Variants in TNFRSF13B observed in about 807,000 individuals in gnomAD.
TNFRSF13B encodes the protein tumor necrosis factor receptor superfamily member 13B.
TNFRSF13B carries 34 observed loss-of-function variants against 24.0 expected under a neutral mutation model. The ratio of observed to expected loss-of-function variants is 1.41; its 90% CI spans 1.08 to 1.88. The LOEUF (loss-of-function observed/expected upper bound fraction) is 1.88. TNFRSF13B is among the 40% of genes most tolerant of loss of function. TNFRSF13B has a pLI of 0.00. For synonymous variants in TNFRSF13B, 173 were observed against 150.3 expected (o/e 1.15, Z -1.10); for missense variants, 415 against 380.8 (o/e 1.09, Z -0.75).
At position 16,939,454 on chromosome 17, in the gene TNFRSF13B, TCTC is replaced by T. The variant is rs199572305; in HGVS notation, c.*90_*92del. 1.4e-6 allele frequency: 2 copies of T among 1,412,188 alleles called. No individual in the cohort carries two copies. The highest frequency in any genetic ancestry group is 1.9e-6 in the Non-Finnish European group (2 of 1,046,956). The allele number at this position is 1,412,188 out of a possible 1,614,324, so 87.5% of individuals were successfully genotyped here. Reference sequence around the variant, plus strand: ...TCCCTCTCTGCCTCCTCTGTCTCTCTCTCCTCATATCTCTCTCCCCTCTCCCCA... The same window carrying T: ...TCCCTCTCTGCCTCCTCTGTCTCTCTCTCATATCTCTCTCCCCTCTCCCCA... On this transcript the variant is annotated 3_prime_UTR_variant, in exon 5 of 5. Transcript: ENST00000261652.
At chr17:16,943,511 CTAT>C (rs938100573) in intron 3 of TNFRSF13B, among the ~76,000 whole-genome samples, 13 of 152,266 alleles carry the variant, frequency 8.5e-5, no homozygotes, top group African/African-American at 3.1e-4. Context: ...TCTCTGGTTC[CTAT>C]TATTGCCAGA....
Position 16,939,279 on chromosome 17 carries a change from GCCTCTCTC to G in TNFRSF13B, c.*260_*267del, listed in dbSNP as rs1024386915. On this transcript the variant is annotated 3_prime_UTR_variant, in exon 5 of 5. Transcript: ENST00000261652. ...TCCCTCTCTCCCTCTCTGTCTCTCT[GCCTCTCTC>G]CCTCTCTGCCTCTCTCCCTCTCTGC... 1.0e-4 allele frequency: 47 copies of G among 449,208 alleles called. No homozygotes were observed. The highest frequency in any genetic ancestry group is 7.5e-4 in the African/African-American group (37 of 49,298). The allele number at this position is 449,208 out of a possible 1,614,324, so 27.8% of individuals were successfully genotyped here.
At chr17:16,965,169 C>T (rs2087691054) in intron 1 of TNFRSF13B, among the ~76,000 whole-genome samples, 1 of 151,928 alleles carries the variant, frequency 6.6e-6, no homozygotes, top group African/African-American at 2.4e-5. Context: ...TACAGTGGTG[C>T]AATCATAGCT....
At chr17:16,953,448 T>C (rs2143664055) in intron 1 of TNFRSF13B, among the ~76,000 whole-genome samples, 2 of 152,330 alleles carry the variant, frequency 1.3e-5, no homozygotes, top group Non-Finnish European at 2.9e-5. Flanking sequence ...CACATGGAGA[T>C]GTAGGACATT....
chr17:16,962,430 C>G (rs919747163), intron 1 of TNFRSF13B, among the ~76,000 whole-genome samples: 8 of 151,908 alleles, frequency 5.3e-5, no homozygotes, highest in Non-Finnish European at 1.0e-4. Flanking sequence ...TCACTTGAAA[C>G]CAGGAGACAG....
chr17:16,957,013 A>G (rs1268126610), intron 1 of TNFRSF13B, among the ~76,000 whole-genome samples: 2 of 152,072 alleles, frequency 1.3e-5, no homozygotes, highest in African/African-American at 2.4e-5. Context: ...ACTTTAAATG[A>G]TAACGACGTG....
intron 1 of TNFRSF13B, among the ~76,000 whole-genome samples, chr17:16,962,158 C>T (rs947899010): frequency 1.3e-5 from 2 of 152,154 alleles, no homozygotes; most frequent in East Asian, 1.9e-4. Flanking sequence ...GATGAATTAC[C>T]TGCATGGAAA....
chr17:16,969,507 A>G (rs2087728811), intron 1 of TNFRSF13B, among the ~76,000 whole-genome samples: 1 of 152,246 alleles, frequency 6.6e-6, no homozygotes, highest in South Asian at 2.1e-4. Flanking sequence ...GCAAATCTAT[A>G]GAGACAGAGA....
At chr17:16,959,109 A>G (rs1173977988) in intron 1 of TNFRSF13B, among the ~76,000 whole-genome samples, 1 of 152,100 alleles carries the variant, frequency 6.6e-6, no homozygotes, top group Non-Finnish European at 1.5e-5. Flanking sequence ...TTTTAAAATT[A>G]AAATTATTCA....
Position 16,939,563 on chromosome 17 carries a change from C to A in TNFRSF13B, c.866G>T (p.Gly289Val), listed in dbSNP as rs778892365. Reference sequence around the variant, plus strand: ...GACCCCCATTTATGCACCTGGGCCCCCCTCCTGGGCAGGCACACACACAAT... The same window carrying A: ...GACCCCCATTTATGCACCTGGGCCCACCTCCTGGGCAGGCACACACACAAT... ...LGIVCVPAQE[G>V]GPGA The change falls in exon 5 of 5, where the codon GGG (glycine) becomes GTG (valine). Residue 289 changes from glycine to valine, a missense_variant. Physicochemically the swap from Gly to Val is moderately radical, Grantham distance 109. Transcript: ENST00000261652. The A allele has an allele frequency of 6.2e-7, 1 of 1,613,480 alleles. No homozygotes were observed. The highest frequency in any genetic ancestry group is 1.7e-5 in the Admixed American group (1 of 59,906).
At chr17:16,961,310 A>G (rs1408527128) in intron 1 of TNFRSF13B, among the ~76,000 whole-genome samples, 1 of 152,240 alleles carries the variant, frequency 6.6e-6, no homozygotes, top group African/African-American at 2.4e-5. Context: ...TCAGAACAGC[A>G]TATTCACAAC....
intron 3 of TNFRSF13B, chr17:16,941,450 G>T (rs1158931534): frequency 2.0e-6 from 2 of 987,614 alleles, no homozygotes; most frequent in East Asian, 2.3e-4. Context: ...GCTCTTCCTT[G>T]TCCCTGGAGC....
At chr17:16,940,144 A>C (rs1416593491) in intron 4 of TNFRSF13B, 182 bp downstream of exon 4, 1 of 1,450,396 alleles carries the variant, frequency 6.9e-7, no homozygotes, top group African/African-American at 1.4e-5. Context: ...CCCGGGTGCC[A>C]CTCTCCCAGT....
chr17:16,968,065 C>G (rs1244030937), intron 1 of TNFRSF13B, among the ~76,000 whole-genome samples: 2 of 148,422 alleles, frequency 1.3e-5, no homozygotes, highest in Non-Finnish European at 3.0e-5. Context: ...GGCATGAACC[C>G]GGGAGGCGGA....
chr17:16,960,480 G>A (rs2087654775), intron 1 of TNFRSF13B, among the ~76,000 whole-genome samples: 1 of 152,160 alleles, frequency 6.6e-6, no homozygotes, highest in Admixed American at 6.5e-5. Context: ...GATCTTATAT[G>A]TAGAAAACCC....
chr17:16,971,348 C>CAAA (rs2087742706), intron 1 of TNFRSF13B, among the ~76,000 whole-genome samples: 1 of 68,212 alleles, frequency 1.5e-5, no homozygotes, highest in Non-Finnish European at 2.7e-5. Context: ...GACTCTGTCT[C>CAAA]AAAAAACAAA....
chr17:16,943,898 G>A (rs998435672), intron 3 of TNFRSF13B, among the ~76,000 whole-genome samples: 7 of 152,122 alleles, frequency 4.6e-5, no homozygotes, highest in Admixed American at 2.6e-4. Flanking sequence ...CACCTGCCCC[G>A]GAGCCCGGGC....
intron 3 of TNFRSF13B, among the ~76,000 whole-genome samples, chr17:16,945,371 G>C (rs1004257349): frequency 6.6e-6 from 1 of 152,234 alleles, no homozygotes; most frequent in Non-Finnish European, 1.5e-5. Flanking sequence ...CCGCCAAGGA[G>C]CAATAGCCTG....
intron 1 of TNFRSF13B, among the ~76,000 whole-genome samples, chr17:16,966,172 C>T (rs2087697511): frequency 6.6e-6 from 1 of 151,518 alleles, no homozygotes; most frequent in African/African-American, 2.4e-5. Flanking sequence ...GAGAATCTCT[C>T]GAACCCAGTT....
Sources: allele counts gnomAD v4.1 joint callset (sites outside exome capture counted in the v4.1 genomes callset), GRCh38; gene constraint gnomAD v4.1.1; transcripts MANE v1.5; gene names NCBI Gene and HGNC (gene_info 2026-07-23, HGNC 2026-07-21).